MTF2: variants seen among roughly 807,000 people sequenced by gnomAD.
MTF2 encodes metal-response element-binding transcription factor 2.
Under a neutral mutation model 79.5 loss-of-function variants are expected in MTF2, and 11 were observed. The ratio of observed to expected loss-of-function variants is 0.14; its 90% CI spans 0.09 to 0.23. The LOEUF (loss-of-function observed/expected upper bound fraction) is 0.23, where lower values mean the gene tolerates loss of function less well. Among genes scored for constraint, MTF2 ranks in the 10% least tolerant of loss-of-function variants. The probability of loss-of-function intolerance (pLI) is 1.00; values close to 1 mark genes in which losing one functional copy is unlikely to be tolerated. For missense variants in MTF2, 486 were observed against 711.2 expected, an observed-to-expected ratio of 0.68 and a Z score of 3.60; for synonymous variants, 208 against 232.8, an observed-to-expected ratio of 0.89 and a Z score of 0.97.
intron 11 of MTF2, 45 bp from the exon 12 acceptor site, chr1:93,133,657 GT>G: frequency 7.4e-7 from 1 of 1,355,958 alleles, no homozygotes; most frequent in Non-Finnish European, 1.0e-6. Context: ...CAATGTCTTT[GT>G]TTTCTTTATG....
At chr1:93,092,075 C>A (rs1362502635) in intron 1 of MTF2, among the ~76,000 whole-genome samples, 3 of 151,990 alleles carry the variant, frequency 2.0e-5, no homozygotes, top group African/African-American at 7.2e-5. Flanking sequence ...CTTTGGTTGT[C>A]TTAATCTGTT....
chr1:93,114,996 C>A lies in MTF2; in HGVS notation c.391C>A (p.Gln131Lys). ...CTTTTTTTGATATTAAGGATATCAT[C>A]AGTTGTGTCACACACCTCATATTGA... is the stretch of plus-strand genomic sequence containing the variant. ...ICDKCGQGYH[Q>K]LCHTPHIDSS... is the part of the protein sequence containing the mutation. The change falls in exon 5 of 15, where the codon CAG becomes AAG. Residue 131 changes from glutamine to lysine, a missense_variant. Transcript: ENST00000370298. The A allele has an allele frequency of 6.3e-7, 1 of 1,594,574 alleles. No homozygotes were observed. Among genetic ancestry groups the A allele is most frequent in the South Asian group, 1.1e-5 (1 of 88,974 alleles).
chr1:93,129,558 A>AT (rs200494793), intron 11 of MTF2, 110 bp downstream of exon 11: 28,179 of 446,252 alleles, frequency 0.063, 116 homozygotes, highest in East Asian at 0.089. Context: ...AGTTACTCTG[A>AT]TTTTTTTTTT....
At chr1:93,087,571 C>A (rs372135351) in intron 1 of MTF2, among the ~76,000 whole-genome samples, 471 of 135,200 alleles carry the variant, frequency 3.5e-3, no homozygotes, top group Non-Finnish European at 4.0e-3. Flanking sequence ...GACTCTGTCT[C>A]AAAAAAAAAA....
rs1258422987 is a variant in MTF2, at chr1:93,101,584, T to TTTTTG, written c.6-8642_6-8641insGTTTT. On this transcript the variant is annotated intron_variant, in intron 1 of 14. Coordinates refer to ENST00000370298, the MANE Select transcript of MTF2 (RefSeq NM_007358.4). ...CTCAGGCTGGTTTTTTTTTTTTTTT[T>TTTTTG]TTTTTTTTTTTTTGAGACAGGGTCT... Among the ~76,000 whole-genome samples, 56 of 114,264 alleles carry TTTTTG rather than the reference T, an allele frequency of 4.9e-4. 4 individuals are homozygous for TTTTTG. Among genetic ancestry groups the TTTTTG allele is most frequent in the African/African-American group, 1.7e-3 (56 of 32,940 alleles). The allele number at this position is 114,264 out of a possible 152,430, so 75.0% of individuals were successfully genotyped here. A position where few individuals can be genotyped will look rare whatever the true frequency, so the allele number is the denominator to read the frequency against.
chr1:93,080,137 G>T (rs1205837844), intron 1 of MTF2, among the ~76,000 whole-genome samples: 1 of 151,970 alleles, frequency 6.6e-6, no homozygotes, highest in African/African-American at 2.4e-5. Flanking sequence ...AAGTGAGATG[G>T]GGGAAAGCTA....
In MTF2 at chr1:93,116,529, G is replaced by A. The variant is rs112247667; in HGVS notation, c.632+911G>A. The stretch of plus-strand genomic sequence containing the variant: ...TTTTTTTTTTTTTTTTTTGAGACAG[G>A]TTCTTGCTCTGTTGCCTCGGCTGGA... On this transcript the variant is annotated intron_variant, in intron 6 of 14. Coordinates refer to ENST00000370298, the MANE Select transcript of MTF2 (RefSeq NM_007358.4). Among the ~76,000 whole-genome samples, 165 of 134,994 alleles carry A rather than the reference G, an allele frequency of 1.2e-3. 5 individuals carry two copies. The highest frequency in any genetic ancestry group is 0.011 in the Middle Eastern group (3 of 262). 88.6% of individuals were successfully genotyped at this position (134,994 alleles called of 152,430 possible).
In MTF2 at chr1:93,112,371, T is replaced by G. The variant is rs1257007430; in HGVS notation, c.286+1745T>G. Among the ~76,000 whole-genome samples the G allele has an allele frequency of 5.0e-5, 6 of 119,872 alleles. No homozygotes were observed. The East Asian group carries it at 1.6e-3, about 32-fold the overall frequency. The allele number at this position is 119,872 out of a possible 152,430, so 78.6% of individuals were successfully genotyped here. On this transcript the variant is annotated intron_variant, in intron 3 of 14. Transcript: ENST00000370298. ...AATAAATTATATTTGTCTAATGAGT[T>G]TCTTTTAAAAATTTTACATAAAGAA...
At chr1:93,129,574 T>C in intron 11 of MTF2, 126 bp downstream of exon 11, 1 of 808,334 alleles carries the variant, frequency 1.2e-6, no homozygotes, top group Non-Finnish European at 1.8e-6. Context: ...TTTTTTTTTT[T>C]TTTTGGTCTA....
chr1:93,105,651 A>G (rs1232371213), intron 1 of MTF2, among the ~76,000 whole-genome samples: 1 of 151,304 alleles, frequency 6.6e-6, no homozygotes, highest in Non-Finnish European at 1.5e-5. Context: ...TTGTGAATGA[A>G]TATGTTGAAT....
chr1:93,110,656 T>A, intron 3 of MTF2, 30 bp downstream of exon 3: 1 of 1,535,532 alleles, frequency 6.5e-7, no homozygotes, highest in Non-Finnish European at 9.0e-7. Flanking sequence ...TTGAACATGA[T>A]TTAAATTAAA....
intron 10 of MTF2, chr1:93,129,000 GTTC>G (rs1465034722): frequency 8.4e-6 from 2 of 238,114 alleles, no homozygotes; most frequent in Non-Finnish European, 1.6e-5. Flanking sequence ...ACCATTCTTT[GTTC>G]TTCTTTCTTC....
rs1647435627 is a variant in MTF2, at chr1:93,137,132, A to C, written c.*105A>C. ...ACTATCTTTCTTAAAAAAAAAAAAAAGTCAAAAAAATTCAAAAAAGGGGAT... is the reference window on the plus strand; with the variant it reads ...ACTATCTTTCTTAAAAAAAAAAAAACGTCAAAAAAATTCAAAAAAGGGGAT... On this transcript the variant is annotated 3_prime_UTR_variant, in exon 15 of 15. Transcript: ENST00000370298. 1 of 955,336 alleles carries C rather than the reference A, an allele frequency of 1.0e-6. No individual in the cohort carries two copies. Among genetic ancestry groups the C allele is most frequent in the Admixed American group, 2.7e-5 (1 of 37,604 alleles). The allele number at this position is 955,336 out of a possible 1,614,324, so 59.2% of individuals were successfully genotyped here.
At chr1:93,097,126 G>A (rs1655324991) in intron 1 of MTF2, among the ~76,000 whole-genome samples, 1 of 152,002 alleles carries the variant, frequency 6.6e-6, no homozygotes, top group Non-Finnish European at 1.5e-5. Context: ...TATATGTCTT[G>A]ATTTCCAAAC....
chr1:93,106,282 C>A (rs1655783455), intron 1 of MTF2, among the ~76,000 whole-genome samples: 1 of 152,056 alleles, frequency 6.6e-6, no homozygotes, highest in African/African-American at 2.4e-5. Flanking sequence ...ACCTTGCCAT[C>A]CTGAAAGAAG....
chr1:93,132,961 AATAG>A (rs556222310), intron 11 of MTF2, among the ~76,000 whole-genome samples: 1 of 152,058 alleles, frequency 6.6e-6, no homozygotes, highest in Non-Finnish European at 1.5e-5. Context: ...GAGTAAATGA[AATAG>A]ATATTCTTTC....
intron 14 of MTF2, among the ~76,000 whole-genome samples, chr1:93,135,784 C>T (rs149980427): frequency 0.03 from 4,497 of 152,306 alleles, 192 homozygotes; most frequent in African/African-American, 0.1. Flanking sequence ...GCACTCCAGC[C>T]TGGGCAACAG....
intron 9 of MTF2, among the ~76,000 whole-genome samples, chr1:93,125,281 T>G (rs907308110): frequency 2.0e-5 from 3 of 149,716 alleles, no homozygotes; most frequent in African/African-American, 4.9e-5. Context: ...TTGATATGAT[T>G]AGCAACGCTG....
intron 1 of MTF2, among the ~76,000 whole-genome samples, chr1:93,098,469 T>C (rs1404421321): frequency 6.6e-6 from 1 of 152,224 alleles, no homozygotes; most frequent in Non-Finnish European, 1.5e-5. Flanking sequence ...GCATGGTACC[T>C]GGCATATAGC....
Sources: allele counts gnomAD v4.1 joint callset (sites outside exome capture counted in the v4.1 genomes callset), GRCh38; gene constraint gnomAD v4.1.1; transcripts MANE v1.5; gene names NCBI Gene and HGNC (gene_info 2026-07-23, HGNC 2026-07-21).